PARD3B: variants seen among roughly 807,000 people sequenced by gnomAD.
The protein encoded by PARD3B is partitioning defective 3 homolog B.
A neutral mutation model predicts 130.2 loss-of-function variants in PARD3B; 103 were observed. That is an observed-to-expected ratio of 0.79 (90% confidence interval 0.67 to 0.93). The LOEUF (loss-of-function observed/expected upper bound fraction) is 0.93. Among genes scored for constraint, PARD3B ranks in the 40% least tolerant of loss-of-function variants. PARD3B has a pLI of 0.00. For missense variants in PARD3B, 1,609 were observed against 1,499.2 expected, an observed-to-expected ratio of 1.07 and a Z score of -1.21; for synonymous variants, 583 against 553.2, an observed-to-expected ratio of 1.05 and a Z score of -0.76.
rs933451247 is a variant in PARD3B, at chr2:205,562,502, C to T, written c.3260+9099C>T. Reference sequence around the variant, plus strand: ...GAGGAAGAGTATGTGCCTGCTCTTTCGAGAGTGCCAAATCTGACATTACCT... The same window carrying T: ...GAGGAAGAGTATGTGCCTGCTCTTTTGAGAGTGCCAAATCTGACATTACCT... On this transcript the variant is annotated intron_variant, in intron 22 of 22. Coordinates refer to ENST00000406610, the MANE Select transcript of PARD3B (RefSeq NM_001302769.2). This position sits in a 1 kb window ranked among gnomAD's most constrained non-coding sequence, Gnocchi z 5.4. Among the ~76,000 whole-genome samples the T allele has an allele frequency of 6.6e-6, 1 of 152,124 alleles. No homozygotes were observed. The highest frequency in any genetic ancestry group is 6.5e-5 in the Admixed American group (1 of 15,272).
intron 3 of PARD3B, among the ~76,000 whole-genome samples, chr2:205,003,713 T>G (rs1312497491): frequency 1.3e-5 from 2 of 152,226 alleles, no homozygotes; most frequent in Non-Finnish European, 2.9e-5. Flanking sequence ...TTTCTGTCTG[T>G]TTTTCCTCTG....
rs1575401814 is a variant in PARD3B at position 205,575,144 on chromosome 2, A to T, written c.3260+21741A>T. Among the ~76,000 whole-genome samples, 1 of 151,782 alleles carries T rather than the reference A, an allele frequency of 6.6e-6. No homozygotes were observed. The highest frequency in any genetic ancestry group is 2.4e-5 in the African/African-American group (1 of 41,400). ...ACACTATATATAAAAATATATTTTC[A>T]TGTAAGGTATATATATATTATACAC... On this transcript the variant is annotated intron_variant, in intron 22 of 22. Transcript: ENST00000406610. The surrounding 1 kb of genome is among the most constrained non-coding windows in gnomAD (Gnocchi z 4.6).
At chr2:204,648,623 AATTT>A (rs1363261864) in intron 1 of PARD3B, among the ~76,000 whole-genome samples, 4 of 122,688 alleles carry the variant, frequency 3.3e-5, no homozygotes, top group African/African-American at 1.2e-4. Context: ...TATATACTAT[AATTT>A]ATATATAATA....
At chr2:204,808,965 GC>G (rs1042156355) in intron 2 of PARD3B, among the ~76,000 whole-genome samples, 19 of 152,040 alleles carry the variant, frequency 1.2e-4, no homozygotes, top group African/African-American at 4.6e-4. Context: ...ACTTTTTATT[GC>G]CATTCTGACT....
At position 204,957,013 on chromosome 2, in the gene PARD3B, G is replaced by C. The variant is rs1398136229; in HGVS notation, c.223-8139G>C. On this transcript the variant is annotated intron_variant, in intron 2 of 22. Coordinates refer to ENST00000406610, the MANE Select transcript of PARD3B (RefSeq NM_001302769.2). ...AGATGGTGAAGGGCACAGAGACAAG[G>C]GCTCCTCAGGCCTCCCCTTTGTGTA... Among the ~76,000 whole-genome samples the C allele has an allele frequency of 2.6e-5, 4 of 152,204 alleles. No individual in the cohort carries two copies. In the East Asian group the frequency reaches 7.7e-4, roughly 29 times the overall value.
intron 2 of PARD3B, among the ~76,000 whole-genome samples, chr2:204,939,551 T>C (rs1329581599): frequency 3.9e-5 from 6 of 152,312 alleles, no homozygotes; most frequent in Middle Eastern, 6.8e-3. Context: ...ACAAATGCCG[T>C]GTTCTATTTT....
intron 1 of PARD3B, among the ~76,000 whole-genome samples, chr2:204,571,752 A>G (rs1314756469): frequency 6.6e-6 from 1 of 152,234 alleles, no homozygotes; most frequent in African/African-American, 2.4e-5. Context: ...ACAGTAGTAG[A>G]TGAGTGAATG....
At chr2:204,627,222 C>G (rs1392471267) in intron 1 of PARD3B, among the ~76,000 whole-genome samples, 1 of 152,214 alleles carries the variant, frequency 6.6e-6, no homozygotes, top group East Asian at 1.9e-4. Context: ...TATAAATTAC[C>G]TAGTCTTGGG....
In PARD3B at chr2:205,379,833, G is replaced by A. The variant is rs1355766724; in HGVS notation, c.2631-21180G>A. ...ACTTATAATCCCAGCACTTTGTGAG[G>A]CCAAAGCGGGTGGATCACAAGTTCA... On this transcript the variant is annotated intron_variant, in intron 18 of 22. Coordinates refer to ENST00000406610, the MANE Select transcript of PARD3B (RefSeq NM_001302769.2). 5.3e-5 allele frequency among the ~76,000 whole-genome samples: 8 copies of A among 151,982 alleles called. No homozygotes were observed. The East Asian group carries it at 1.5e-3, about 29-fold the overall frequency.
intron 1 of PARD3B, among the ~76,000 whole-genome samples, chr2:204,670,357 G>A (rs374628093): frequency 4.6e-5 from 7 of 152,096 alleles, no homozygotes; most frequent in African/African-American, 1.4e-4. Flanking sequence ...TTGCCAATTC[G>A]TTTATAGGGT....
In PARD3B at chr2:205,575,477, TATC is replaced by T. The variant is rs980992760; in HGVS notation, c.3260+22077_3260+22079del. Among the ~76,000 whole-genome samples the T allele has an allele frequency of 6.6e-6, 1 of 152,118 alleles. No homozygotes were observed. The highest frequency in any genetic ancestry group is 2.4e-5 in the African/African-American group (1 of 41,422). ...TAATGACATGTATGTATCATTATAG[TATC>T]ATGCAAAGTGTTTTTACTGCCCTAA... On this transcript the variant is annotated intron_variant, in intron 22 of 22. Transcript: ENST00000406610. The surrounding 1 kb of genome is among the most constrained non-coding windows in gnomAD (Gnocchi z 4.6).
chr2:205,468,235 T>C (rs778978038), intron 20 of PARD3B, among the ~76,000 whole-genome samples: 5 of 152,236 alleles, frequency 3.3e-5, no homozygotes, highest in Non-Finnish European at 7.3e-5. Context: ...CTCAGGCACA[T>C]GTGAGACCAA....
intron 15 of PARD3B, among the ~76,000 whole-genome samples, chr2:205,200,553 G>T (rs2125824246): frequency 6.6e-6 from 1 of 152,278 alleles, no homozygotes; most frequent in East Asian, 1.9e-4. Context: ...CAGAATTGAA[G>T]AAGATAGAAT....
At chr2:204,706,673 A>C (rs1574763863) in intron 2 of PARD3B, among the ~76,000 whole-genome samples, 1 of 152,296 alleles carries the variant, frequency 6.6e-6, no homozygotes, top group South Asian at 2.1e-4. Flanking sequence ...TGGAGGTAAA[A>C]GAAAGGCCAT....
At chr2:205,186,298 A>G (rs752031448) in intron 14 of PARD3B, among the ~76,000 whole-genome samples, 24 of 152,284 alleles carry the variant, frequency 1.6e-4, no homozygotes, top group Non-Finnish European at 2.8e-4. Context: ...AATTAAAGCA[A>G]CACCATATAT....
At chr2:204,991,668 G>T (rs1369716747) in intron 3 of PARD3B, among the ~76,000 whole-genome samples, 1 of 149,734 alleles carries the variant, frequency 6.7e-6, no homozygotes. Context: ...TTCCACAATG[G>T]TTGAACTAGT....
At chr2:205,552,866 T>A (rs546573256) in intron 21 of PARD3B, among the ~76,000 whole-genome samples, 14 of 152,276 alleles carry the variant, frequency 9.2e-5, no homozygotes, top group Non-Finnish European at 1.9e-4. Context: ...TTAACAATAA[T>A]GTATCAATAT....
At chr2:205,599,699 C>T (rs1368905138) in intron 22 of PARD3B, among the ~76,000 whole-genome samples, 1 of 152,192 alleles carries the variant, frequency 6.6e-6, no homozygotes, top group Admixed American at 6.5e-5. Flanking sequence ...GGCCAACAGA[C>T]TCTTCACTTC....
chr2:205,545,180 T>C (rs546488319), intron 21 of PARD3B, among the ~76,000 whole-genome samples: 69 of 152,342 alleles, frequency 4.5e-4, no homozygotes, highest in African/African-American at 1.6e-3. Context: ...TTGCTGAAGA[T>C]GAATAATTAA....
Sources: gnomAD v4.1 joint callset for allele counts (sites outside exome capture counted in the v4.1 genomes callset) on GRCh38, gnomAD v4.1.1 for gene constraint, Gnocchi (gnomAD v3.1) non-coding constraint, MANE v1.5 for transcripts, NCBI Gene and HGNC (gene_info 2026-07-23, HGNC 2026-07-21) for gene names.